Variants in XAB2 observed in about 807,000 individuals in gnomAD.
XAB2 encodes XPA binding protein 2, also known as pre-mRNA-splicing factor SYF1.
In XAB2, 57 loss-of-function variants were observed where a neutral mutation model predicts 113.4. The ratio of observed to expected loss-of-function variants is 0.50; its 90% CI spans 0.41 to 0.63. The LOEUF (loss-of-function observed/expected upper bound fraction) is 0.63. Among genes scored for constraint, XAB2 ranks in the 20% least tolerant of loss-of-function variants. The probability of loss-of-function intolerance (pLI) is 0.00; values close to 1 mark genes in which losing one functional copy is unlikely to be tolerated. For synonymous variants in XAB2, 497 were observed against 498.8 expected, an observed-to-expected ratio of 1.00 and a Z score of 0.05; for missense variants, 1,037 against 1,233.3, an observed-to-expected ratio of 0.84 and a Z score of 2.38.
rs971030720 is a variant in XAB2 at position 7,624,722 on chromosome 19, A to C, written c.823-277T>G. Among the ~76,000 whole-genome samples the C allele has an allele frequency of 6.6e-6, 1 of 152,054 alleles. No homozygotes were observed. The highest frequency in any genetic ancestry group is 1.5e-5 in the Non-Finnish European group (1 of 68,008). Reference sequence around the variant, plus strand: ...AGTGACCTCAGGGCTCGACTGAGACACATGTGTGAAGCACTTGGCACCCAA... The same window carrying C: ...AGTGACCTCAGGGCTCGACTGAGACCCATGTGTGAAGCACTTGGCACCCAA... On this transcript the variant is annotated intron_variant, in intron 6 of 18. Coordinates refer to ENST00000358368, the MANE Select transcript of XAB2 (RefSeq NM_020196.3). The surrounding 1 kb of genome is among the most constrained non-coding windows in gnomAD (Gnocchi z 4.2).
Position 7,624,257 on chromosome 19 carries a change from C to T in XAB2, c.967+44G>A. 6.2e-7 allele frequency: 1 copy of T among 1,607,790 alleles called. No homozygotes were observed. Among genetic ancestry groups the T allele is most frequent in the Non-Finnish European group, 8.5e-7 (1 of 1,179,872 alleles). ...TGTGTCCCGCCCCTACCGCTAATGTCCACTCAGCTCTCTCCCCACCAGCCG... is the reference window on the plus strand; with the variant it reads ...TGTGTCCCGCCCCTACCGCTAATGTTCACTCAGCTCTCTCCCCACCAGCCG... On this transcript the variant is annotated intron_variant, in intron 7 of 18. Coordinates refer to ENST00000358368, the MANE Select transcript of XAB2 (RefSeq NM_020196.3). The surrounding 1 kb of genome is among the most constrained non-coding windows in gnomAD (Gnocchi z 4.2).
chr19:7,622,574 A>C lies in XAB2; in HGVS notation c.1459T>G (p.Trp487Gly). The C allele has an allele frequency of 6.2e-7, 1 of 1,613,560 alleles. No individual in the cohort carries two copies. Among genetic ancestry groups the C allele is most frequent in the Non-Finnish European group, 8.5e-7 (1 of 1,180,032 alleles). The change falls in exon 11 of 19, where the codon TGG (tryptophan) becomes GGG (glycine). Residue 487 changes from tryptophan to glycine, a missense_variant. Coordinates refer to ENST00000358368, the MANE Select transcript of XAB2 (RefSeq NM_020196.3). ...TCCTCCAGGTCGGCGAGCATGGACC[A>C]GACCTTCAGTGACTTGTACACGCGG... ...QNRVYKSLKV[W>G]SMLADLEESL... is the part of the protein sequence containing the mutation.
chr19:7,622,086 A>G, intron 12 of XAB2: 1 of 462,020 alleles, frequency 2.2e-6, no homozygotes, highest in Non-Finnish European at 3.9e-6. Context: ...AAGGCCACAC[A>G]AAGACATAGG....
At position 7,624,618 on chromosome 19, in the gene XAB2, C is replaced by A. The variant is rs997491547; in HGVS notation, c.823-173G>T. The stretch of plus-strand genomic sequence containing the variant: ...AGCCTCCGTGGAGCCTTCTCACCCC[C>A]GCCCTGCCCTGCACTGCCAGGGTGG... On this transcript the variant is annotated intron_variant, in intron 6 of 18. Coordinates refer to ENST00000358368, the MANE Select transcript of XAB2 (RefSeq NM_020196.3). This position sits in a 1 kb window ranked among gnomAD's most constrained non-coding sequence, Gnocchi z 4.2. Among the ~76,000 whole-genome samples, 15 of 152,182 alleles carry A rather than the reference C, an allele frequency of 9.9e-5. No individual in the cohort carries two copies. Among genetic ancestry groups the A allele is most frequent in the African/African-American group, 3.4e-4 (14 of 41,434 alleles).
intron 5 of XAB2, 30 bp downstream of exon 5, chr19:7,626,106 C>G (rs1375498031): frequency 1.2e-6 from 2 of 1,612,652 alleles, no homozygotes; most frequent in Non-Finnish European, 1.7e-6. Flanking sequence ...GTGGCCCTCC[C>G]ACCCAGTTGC....
chr19:7,626,436 C>A (rs535295899), intron 4 of XAB2, among the ~76,000 whole-genome samples, 166 bp from the exon 5 acceptor site: 1 of 152,170 alleles, frequency 6.6e-6, no homozygotes, highest in African/African-American at 2.4e-5. Flanking sequence ...CCGGTTCCTA[C>A]TGGTCTAGCC....
chr19:7,623,118 A>G lies in XAB2; in HGVS notation c.1239+52T>C. ...TACACACACATACATGCACACATATACAAGCACACACACATGCATGAACAC... is the reference window on the plus strand; with the variant it reads ...TACACACACATACATGCACACATATGCAAGCACACACACATGCATGAACAC... On this transcript the variant is annotated intron_variant, in intron 9 of 18. Transcript: ENST00000358368. The surrounding 1 kb of genome is among the most constrained non-coding windows in gnomAD (Gnocchi z 4.6). The G allele has an allele frequency of 6.2e-6, 10 of 1,604,192 alleles. No homozygotes were observed. The highest frequency in any genetic ancestry group is 7.7e-6 in the Non-Finnish European group (9 of 1,174,664).
Position 7,624,544 on chromosome 19 carries a change from TTCTGGGTAGTGACGCATCCAGCACC to T in XAB2, c.823-124_823-100del, listed in dbSNP as rs1457707153. 16 of 1,562,810 alleles carry T rather than the reference TTCTGGGTAGTGACGCATCCAGCACC, an allele frequency of 1.0e-5. No homozygotes were observed. Among genetic ancestry groups the T allele is most frequent in the Middle Eastern group, 1.8e-4 (1 of 5,650 alleles). ...CCTCAATGTGGAACCCCTGGGGGCC[TTCTGGGTAGTGACGCATCCAGCACC>T]TCTGGGTAGTGACCCCAGGACAGAG... On this transcript the variant is annotated intron_variant, in intron 6 of 18. Transcript: ENST00000358368. The surrounding 1 kb of genome is among the most constrained non-coding windows in gnomAD (Gnocchi z 4.2).
In XAB2 at chr19:7,620,168, C is replaced by CTCAAGGAGATTGCCATCAGGA. The variant is rs1690147820; in HGVS notation, c.2266+86_2267-94dup. On this transcript the variant is annotated intron_variant, in intron 16 of 18. Coordinates refer to ENST00000358368, the MANE Select transcript of XAB2 (RefSeq NM_020196.3). The stretch of plus-strand genomic sequence containing the variant: ...CAGTCCCCCAGGTGATGGCCCAGCC[C>CTCAAGGAGATTGCCATCAGGA]TCAAGGAGATTGCCATCAGGATCCG... 12 of 1,593,730 alleles carry CTCAAGGAGATTGCCATCAGGA rather than the reference C, an allele frequency of 7.5e-6. No individual in the cohort carries two copies. The South Asian group carries it at 1.3e-4, about 18-fold the overall frequency.
At position 7,627,244 on chromosome 19, in the gene XAB2, T is replaced by G; in HGVS notation, c.521A>C (p.Lys174Thr). Reference sequence around the variant, plus strand: ...AACCAGCGCACCTGCTAGGCTCACCTTGAGGAAGCGCCGATAGCCTCGCAC... The same window carrying G: ...AACCAGCGCACCTGCTAGGCTCACCGTGAGGAAGCGCCGATAGCCTCGCAC... ...TAVRGYRRFL[K>T]LSPESAEEYI... Residue 174 changes from lysine to threonine, a missense_variant and splice_region_variant, in exon 4 of 19, where the codon AAG becomes ACG. Transcript: ENST00000358368. The surrounding 1 kb of genome is among the most constrained non-coding windows in gnomAD (Gnocchi z 4.5). The G allele has an allele frequency of 6.2e-7, 1 of 1,612,324 alleles. No individual in the cohort carries two copies. The highest frequency in any genetic ancestry group is 8.5e-7 in the Non-Finnish European group (1 of 1,179,940).
rs1379536573 is a variant in XAB2 at position 7,628,062 on chromosome 19, C to T, written c.200+88G>A. 1.4e-5 allele frequency: 21 copies of T among 1,524,284 alleles called. No homozygotes were observed. The highest frequency in any genetic ancestry group is 2.0e-5 in the Admixed American group (1 of 50,570). 94.4% of individuals were successfully genotyped at this position (1,524,284 alleles called of 1,614,324 possible). On this transcript the variant is annotated intron_variant, in intron 2 of 18. Coordinates refer to ENST00000358368, the MANE Select transcript of XAB2 (RefSeq NM_020196.3). The surrounding 1 kb of genome is among the most constrained non-coding windows in gnomAD (Gnocchi z 4.6). ...AGTGATGAAACACGAAGCAATCACC[C>T]GGGACCCGGGACCCACTTGGCAGTT...
In XAB2 at chr19:7,627,992, G is replaced by A; in HGVS notation, c.201-141C>T. The A allele has an allele frequency of 6.8e-7, 1 of 1,470,466 alleles. No individual in the cohort carries two copies. Among genetic ancestry groups the A allele is most frequent in the Non-Finnish European group, 9.2e-7 (1 of 1,088,796 alleles). The allele number at this position is 1,470,466 out of a possible 1,614,324, so 91.1% of individuals were successfully genotyped here. ...TCTCAGCAATGACAGGGACAGACTG[G>A]GACATCAGAGAAGGTGTGCTGACCC... is the stretch of plus-strand genomic sequence containing the variant. On this transcript the variant is annotated intron_variant, in intron 2 of 18. Transcript: ENST00000358368. The surrounding 1 kb of genome is among the most constrained non-coding windows in gnomAD (Gnocchi z 4.5).
Position 7,628,821 on chromosome 19 carries a change from C to G in XAB2, c.52-523G>C, listed in dbSNP as rs879929467. On this transcript the variant is annotated intron_variant, in intron 1 of 18. Transcript: ENST00000358368. This position sits in a 1 kb window ranked among gnomAD's most constrained non-coding sequence, Gnocchi z 4.6. ...AGATTCCAAGCCACTAGCCCCGCCC[C>G]CAGGATCCCACTAGCCAGCGTCTAG... Among the ~76,000 whole-genome samples, 8 of 152,210 alleles carry G rather than the reference C, an allele frequency of 5.3e-5. No individual in the cohort carries two copies. Among genetic ancestry groups the G allele is most frequent in the Non-Finnish European group, 1.2e-4 (8 of 68,046 alleles).
Position 7,619,618 on chromosome 19 carries a change from C to T in XAB2, c.2536G>A (p.Ala846Thr), listed in dbSNP as rs766525949. The T allele has an allele frequency of 6.2e-7, 1 of 1,602,944 alleles. No homozygotes were observed. The highest frequency in any genetic ancestry group is 8.5e-7 in the Non-Finnish European group (1 of 1,174,450). The change falls in exon 19 of 19, where the codon GCC becomes ACC. Residue 846 changes from alanine to threonine, a missense_variant. Transcript: ENST00000358368. ...EVRLEQQSVP[A>T]AVFGSLKED is the part of the protein sequence containing the mutation. ...TCCTTCAGGCTCCCAAACACTGCGG[C>T]TGGCACGCTCTGCTGCTCCAGCCGA...
At position 7,626,198 on chromosome 19, in the gene XAB2, G is replaced by A. The variant is rs1420365640; in HGVS notation, c.595C>T (p.Arg199Cys). 5 of 1,613,550 alleles carry A rather than the reference G, an allele frequency of 3.1e-6. No individual in the cohort carries two copies. Among genetic ancestry groups the A allele is most frequent in the Non-Finnish European group, 4.2e-6 (5 of 1,180,034 alleles). Residue 199 changes from arginine (R) to cysteine (C), a missense_variant, in exon 5 of 19, where the codon CGC becomes TGC. Transcript: ENST00000358368. ...TCGTCGTTCACCACGGTGGCCAGGC[G>A]CTGGGCGGCCTCATCCAGCCGGTCA... ...SSDRLDEAAQ[R>C]LATVVNDERF...
rs1372832701 is a variant in XAB2, at chr19:7,627,057, G to A, written c.522+186C>T. ...CAGCACCCATCGCTATGCCTAATGT[G>A]AAACCAGTGTGAACAAACTATTTGG... is the stretch of plus-strand genomic sequence containing the variant. On this transcript the variant is annotated intron_variant, in intron 4 of 18. Coordinates refer to ENST00000358368, the MANE Select transcript of XAB2 (RefSeq NM_020196.3). This position sits in a 1 kb window ranked among gnomAD's most constrained non-coding sequence, Gnocchi z 4.5. 6.6e-6 allele frequency among the ~76,000 whole-genome samples: 1 copy of A among 152,202 alleles called. No homozygotes were observed. The highest frequency in any genetic ancestry group is 1.5e-5 in the Non-Finnish European group (1 of 68,036).
Position 7,623,155 on chromosome 19 carries a change from C to T in XAB2, c.1239+15G>A. ...ACATGCATGAACACACAGGCACACG[C>T]AACAGGGTGCTCACATCGTCCAGCT... On this transcript the variant is annotated intron_variant, in intron 9 of 18. Transcript: ENST00000358368. The surrounding 1 kb of genome is among the most constrained non-coding windows in gnomAD (Gnocchi z 4.6). 1 of 1,612,806 alleles carries T rather than the reference C, an allele frequency of 6.2e-7. No individual in the cohort carries two copies. The highest frequency in any genetic ancestry group is 8.5e-7 in the Non-Finnish European group (1 of 1,179,612).
rs561922038 is a variant in XAB2 at position 7,627,173 on chromosome 19, C to G, written c.522+70G>C. 1 of 1,553,278 alleles carries G rather than the reference C, an allele frequency of 6.4e-7. No individual in the cohort carries two copies. Among genetic ancestry groups the G allele is most frequent in the African/African-American group, 1.4e-5 (1 of 73,912 alleles). ...CCCGTCTGCTGGGTGACATCCTACG[C>G]GGAGCTAGTGTCACAGTGAGGCCGT... On this transcript the variant is annotated intron_variant, in intron 4 of 18. Transcript: ENST00000358368. The surrounding 1 kb of genome is among the most constrained non-coding windows in gnomAD (Gnocchi z 4.5).
intron 17 of XAB2, 40 bp from the exon 18 acceptor site, chr19:7,619,896 C>G (rs1199783088): frequency 6.2e-7 from 1 of 1,609,620 alleles, no homozygotes; most frequent in East Asian, 2.2e-5. Flanking sequence ...CCACCCCGGG[C>G]CCCCTTGGGA....
Sources: gnomAD v4.1 joint callset for allele counts (sites outside exome capture counted in the v4.1 genomes callset) on GRCh38, gnomAD v4.1.1 for gene constraint, Gnocchi (gnomAD v3.1) non-coding constraint, MANE v1.5 for transcripts, NCBI Gene and HGNC (gene_info 2026-07-23, HGNC 2026-07-21) for gene names.